Variants in TG observed in about 807,000 individuals in gnomAD.
The protein encoded by TG is thyroglobulin.
In TG, 270 loss-of-function variants were observed where a neutral mutation model predicts 324.7. The ratio of observed to expected loss-of-function variants is 0.83; its 90% CI spans 0.75 to 0.92. The LOEUF (loss-of-function observed/expected upper bound fraction) is 0.92, where lower values mean the gene tolerates loss of function less well. Ranked by LOEUF, TG falls within the 40% of genes least tolerant of loss-of-function variation. The probability of loss-of-function intolerance (pLI) is 0.00; values close to 1 mark genes in which losing one functional copy is unlikely to be tolerated. For synonymous variants in TG, 1,401 were observed against 1,327.0 expected (o/e 1.06, Z -1.21); for missense variants, 3,591 against 3,456.4 (o/e 1.04, Z -0.98).
At chr8:132,906,016 G>C (rs1054464763) in intron 16 of TG, among the ~76,000 whole-genome samples, 41 of 152,294 alleles carry the variant, frequency 2.7e-4, no homozygotes, top group African/African-American at 9.9e-4. Flanking sequence ...GGAGGGAGTT[G>C]AGAGCTGATA....
At chr8:132,907,405 G>A (rs1045286018) in intron 17 of TG, among the ~76,000 whole-genome samples, 2 of 152,160 alleles carry the variant, frequency 1.3e-5, no homozygotes, top group African/African-American at 4.8e-5. Context: ...GCTGGAACTT[G>A]TGTAAGTTTC....
intron 41 of TG, among the ~76,000 whole-genome samples, chr8:133,057,780 A>C (rs554931204): frequency 3.0e-4 from 45 of 152,084 alleles, no homozygotes; most frequent in South Asian, 4.1e-4. Context: ...AAAACAAAAA[A>C]AAAAAAACAA....
rs114772213 is a variant in TG, at chr8:132,897,687, G to A, written c.3040G>A (p.Asp1014Asn). The change falls in exon 12 of 48, where the codon GAC becomes AAC. Residue 1014 changes from aspartate to asparagine, a missense_variant. Transcript: ENST00000220616. ...FYQRRRFSPDDSAGASALLRS... is the reference protein window; with the variant it reads ...FYQRRRFSPDNSAGASALLRS... ...TCAGAGACGCCGCTTTTCCCCGGAC[G>A]ACTCGGCTGGAGCATCCGCCCTTCT... The A allele has an allele frequency of 2.9e-5, 47 of 1,614,066 alleles. No individual in the cohort carries two copies. The highest frequency in any genetic ancestry group is 2.9e-4 in the East Asian group (13 of 44,890).
At chr8:133,110,399 T>C (rs1648137151) in intron 43 of TG, among the ~76,000 whole-genome samples, 1 of 152,238 alleles carries the variant, frequency 6.6e-6, no homozygotes, top group South Asian at 2.1e-4. Context: ...AGACAGCCAC[T>C]GGAACGAACT....
At chr8:133,090,680 C>G (rs186276997) in intron 41 of TG, among the ~76,000 whole-genome samples, 13 of 152,306 alleles carry the variant, frequency 8.5e-5, no homozygotes, top group Admixed American at 7.8e-4. Context: ...TATTTTCCCT[C>G]CATTGTCTCC....
rs1362212656 is a variant in TG, at chr8:132,961,081, C to T, written c.5467+8C>T. On this transcript the variant is annotated splice_region_variant and intron_variant, in intron 28 of 47. Coordinates refer to ENST00000220616, the MANE Select transcript of TG (RefSeq NM_003235.5). ...AGGTTTATCTCTGGAAAGGTGAGCT[C>T]CGTGGTGGAAGAGGGGGTTAGCAGG... 1.2e-6 allele frequency: 2 copies of T among 1,613,984 alleles called. No individual in the cohort carries two copies. The highest frequency in any genetic ancestry group is 1.7e-6 in the Non-Finnish European group (2 of 1,179,914).
At chr8:132,903,456 G>A (rs16904783) in intron 16 of TG, among the ~76,000 whole-genome samples, 4,692 of 152,334 alleles carry the variant, frequency 0.031, 176 homozygotes, top group East Asian at 0.086. Flanking sequence ...GGCCTCTTCC[G>A]ATTCCACAGC....
chr8:133,101,609 G>A (rs1049338900), intron 43 of TG, among the ~76,000 whole-genome samples: 1 of 152,162 alleles, frequency 6.6e-6, no homozygotes, highest in African/African-American at 2.4e-5. Context: ...TAAACAGGGT[G>A]TCCAGCATGT....
At chr8:132,892,932 G>A (rs554892860) in intron 10 of TG, among the ~76,000 whole-genome samples, 1 of 147,990 alleles carries the variant, frequency 6.8e-6, no homozygotes, top group African/African-American at 2.5e-5. Context: ...TGTGTACTGT[G>A]TGTGATGTGT....
intron 44 of TG, among the ~76,000 whole-genome samples, chr8:133,115,713 G>A (rs1850626563): frequency 6.6e-6 from 1 of 152,236 alleles, no homozygotes; most frequent in Non-Finnish European, 1.5e-5. Context: ...ACTCTGCAAT[G>A]CAGATGGGAT....
In TG at chr8:133,060,477, A is replaced by T. The variant is rs1033271363; in HGVS notation, c.7239+30454A>T. 18 of 990,396 alleles carry T rather than the reference A, an allele frequency of 1.8e-5. No homozygotes were observed. The South Asian group carries it at 2.7e-4, about 15-fold the overall frequency. 61.4% of individuals were successfully genotyped at this position (990,396 alleles called of 1,614,324 possible). A position where few individuals can be genotyped will look rare whatever the true frequency, so the allele number is the denominator to read the frequency against. ...CCATTCCTCCGCACCCTTGCTGAGGATGGTAAGCAGCCACAGCAGGGTTTG... is the reference window on the plus strand; with the variant it reads ...CCATTCCTCCGCACCCTTGCTGAGGTTGGTAAGCAGCCACAGCAGGGTTTG... On this transcript the variant is annotated intron_variant, in intron 41 of 47. Coordinates refer to ENST00000220616, the MANE Select transcript of TG (RefSeq NM_003235.5).
chr8:133,089,012 T>A (rs1847064465), intron 41 of TG, among the ~76,000 whole-genome samples: 1 of 152,248 alleles, frequency 6.6e-6, no homozygotes, highest in Non-Finnish European at 1.5e-5. Context: ...CTCAATAGCA[T>A]GCCACAATTC....
intron 43 of TG, among the ~76,000 whole-genome samples, chr8:133,110,071 A>G (rs1850137746): frequency 6.6e-6 from 1 of 152,116 alleles, no homozygotes; most frequent in Non-Finnish European, 1.5e-5. Flanking sequence ...TAGCTCCCTC[A>G]TGTTAAGATT....
At chr8:133,012,939 G>A (rs1314132949) in intron 36 of TG, among the ~76,000 whole-genome samples, 1 of 152,212 alleles carries the variant, frequency 6.6e-6, no homozygotes, top group Non-Finnish European at 1.5e-5. Context: ...GCAAGGGAAA[G>A]GGCATGGTCC....
Position 132,901,348 on chromosome 8 carries a change from G to GC in TG, c.3434-5_3434-4insC. 1 of 1,614,100 alleles carries GC rather than the reference G, an allele frequency of 6.2e-7. No individual in the cohort carries two copies. ...CCCAGCCCATCTGGCTTGTCTCTGT[G>GC]TCAGGCCCAAGCCTCTGCAATGTGC... On this transcript the variant is annotated splice_polypyrimidine_tract_variant and splice_region_variant and intron_variant, in intron 15 of 47. Transcript: ENST00000220616.
intron 41 of TG, among the ~76,000 whole-genome samples, chr8:133,042,709 T>TTTTG (rs1554706931): frequency 5.0e-5 from 7 of 138,682 alleles, no homozygotes; most frequent in African/African-American, 2.0e-4. Context: ...TTTTTTTTTT[T>TTTTG]GTGAGATGGA....
chr8:132,930,445 T>G (rs997299813), intron 23 of TG, among the ~76,000 whole-genome samples: 13 of 152,126 alleles, frequency 8.5e-5, no homozygotes, highest in Non-Finnish European at 1.8e-4. Context: ...CTTTGGAGAC[T>G]GAGCGGGGGT....
intron 41 of TG, among the ~76,000 whole-genome samples, chr8:133,082,154 G>T (rs1278612598): frequency 6.6e-6 from 1 of 152,206 alleles, no homozygotes; most frequent in East Asian, 1.9e-4. Flanking sequence ...GTGGTGTTGG[G>T]TGTTGTCAGG....
chr8:133,016,225 GGACA>G (rs1211342716), intron 37 of TG, among the ~76,000 whole-genome samples: 3 of 152,168 alleles, frequency 2.0e-5, no homozygotes, highest in Non-Finnish European at 4.4e-5. Flanking sequence ...TGGAAGTCAA[GGACA>G]GACATGATAC....
Sources: allele counts gnomAD v4.1 joint callset (sites outside exome capture counted in the v4.1 genomes callset), GRCh38; gene constraint gnomAD v4.1.1; transcripts MANE v1.5; gene names NCBI Gene and HGNC (gene_info 2026-07-23, HGNC 2026-07-21).